The following PTPRN2 variants were observed in gnomAD, a reference collection of about 807,000 sequenced individuals.
The protein encoded by PTPRN2 is receptor-type tyrosine-protein phosphatase N2.
A neutral mutation model predicts 118.8 loss-of-function variants in PTPRN2; 74 were observed. The ratio of observed to expected loss-of-function variants is 0.62; its 90% CI spans 0.52 to 0.76. The LOEUF is 0.76. Among genes scored for constraint, PTPRN2 ranks in the 30% least tolerant of loss-of-function variants. The pLI, the probability that PTPRN2 is intolerant of heterozygous loss-of-function variation, is 0.00. For missense variants in PTPRN2, 1,481 were observed against 1,394.4 expected (o/e 1.06, Z -0.99); for synonymous variants, 641 against 608.0 (o/e 1.05, Z -0.80).
intron 11 of PTPRN2, among the ~76,000 whole-genome samples, chr7:157,936,020 C>T (rs1275629627): frequency 1.3e-5 from 2 of 152,142 alleles, no homozygotes; most frequent in African/African-American, 4.8e-5. Flanking sequence ...GCATCTGTGT[C>T]GCTCCCTCAG....
At chr7:157,836,320 A>C (rs1807929526) in intron 12 of PTPRN2, among the ~76,000 whole-genome samples, 1 of 152,214 alleles carries the variant, frequency 6.6e-6, no homozygotes. Flanking sequence ...GTTCAACTGG[A>C]TAAGAGGAAT....
intron 12 of PTPRN2, among the ~76,000 whole-genome samples, chr7:157,842,180 G>A (rs762206058): frequency 2.6e-5 from 4 of 152,090 alleles, no homozygotes; most frequent in Non-Finnish European, 4.4e-5. Context: ...CCCTTTGTGC[G>A]TGGGGCTGTG....
At chr7:158,294,723 C>T (rs995308904) in intron 3 of PTPRN2, among the ~76,000 whole-genome samples, 6 of 152,190 alleles carry the variant, frequency 3.9e-5, no homozygotes, top group South Asian at 4.1e-4. Flanking sequence ...CCTGGGAGCA[C>T]GGGTCGCCCA....
At chr7:158,446,413 G>T (rs1331996838) in intron 2 of PTPRN2, among the ~76,000 whole-genome samples, 1 of 151,970 alleles carries the variant, frequency 6.6e-6, no homozygotes, top group Non-Finnish European at 1.5e-5. Context: ...GATGGAGTCT[G>T]TCGTGAGAGC....
At chr7:157,781,856 C>T (rs1228856693) in intron 12 of PTPRN2, among the ~76,000 whole-genome samples, 1 of 152,236 alleles carries the variant, frequency 6.6e-6, no homozygotes, top group African/African-American at 2.4e-5. Context: ...GCAAACCACA[C>T]CCCACTGACT....
intron 12 of PTPRN2, among the ~76,000 whole-genome samples, chr7:157,798,690 A>T (rs1234652423): frequency 6.6e-6 from 1 of 152,208 alleles, no homozygotes; most frequent in Non-Finnish European, 1.5e-5. Flanking sequence ...TATAATTAGA[A>T]CTTTATGTTC....
rs752909355 is a variant in PTPRN2 at position 158,316,800 on chromosome 7, C to T, written c.277+19G>A. On this transcript the variant is annotated intron_variant, in intron 3 of 22. Coordinates refer to ENST00000389418, the MANE Select transcript of PTPRN2 (RefSeq NM_002847.5). ...GCTCAGTGCGGCAGCCGCCGAGCCT[C>T]GGCCCACGCCCGCCCTACCTGTGCC... The T allele has an allele frequency of 5.1e-6, 8 of 1,571,526 alleles. No homozygotes were observed. Among genetic ancestry groups the T allele is most frequent in the African/African-American group, 1.4e-5 (1 of 73,840 alleles).
At chr7:158,094,550 G>A (rs774397120) in intron 10 of PTPRN2, among the ~76,000 whole-genome samples, 4 of 151,884 alleles carry the variant, frequency 2.6e-5, no homozygotes, top group South Asian at 2.1e-4. Context: ...CTTGTGATCC[G>A]CCCACCTCGG....
intron 11 of PTPRN2, among the ~76,000 whole-genome samples, chr7:157,985,901 C>T (rs922415020): frequency 1.4e-5 from 2 of 138,364 alleles, no homozygotes; most frequent in Admixed American, 7.2e-5. Context: ...GGTTGAATCT[C>T]GAGAGCAGGG....
At chr7:157,652,602 G>A (rs574914800) in intron 14 of PTPRN2, among the ~76,000 whole-genome samples, 2 of 152,204 alleles carry the variant, frequency 1.3e-5, no homozygotes, top group South Asian at 2.1e-4. Context: ...CCCCTTCCCC[G>A]GGGGTCCCTG....
chr7:158,567,249 A>T (rs1001698677), intron 1 of PTPRN2, among the ~76,000 whole-genome samples: 1 of 152,196 alleles, frequency 6.6e-6, no homozygotes, highest in Admixed American at 6.5e-5. Context: ...CTCACGGGCC[A>T]CCTGCCTGGC....
chr7:157,582,069 C>T (rs995445073), intron 17 of PTPRN2, among the ~76,000 whole-genome samples: 5 of 152,208 alleles, frequency 3.3e-5, no homozygotes, highest in Admixed American at 6.5e-5. Flanking sequence ...TCCAGAACTG[C>T]GAGGGGATGC....
rs557409352 is a variant in PTPRN2 at position 157,581,769 on chromosome 7, A to G, written c.2497-3629T>C. On this transcript the variant is annotated intron_variant, in intron 17 of 22. Transcript: ENST00000389418. ...TTATATTGACGTCCTAATCCCTGGTATCTATGAATGTGGCCTTATTTGGAA... is the reference window on the plus strand; with the variant it reads ...TTATATTGACGTCCTAATCCCTGGTGTCTATGAATGTGGCCTTATTTGGAA... 2.0e-5 allele frequency among the ~76,000 whole-genome samples: 3 copies of G among 152,370 alleles called. No homozygotes were observed. The East Asian group carries it at 5.8e-4, about 29-fold the overall frequency.
At chr7:158,024,745 GAGCT>G (rs1807142724) in intron 11 of PTPRN2, among the ~76,000 whole-genome samples, 3 of 152,256 alleles carry the variant, frequency 2.0e-5, no homozygotes, top group Admixed American at 6.5e-5. Context: ...AGCTTGGCAG[GAGCT>G]GATGAAGGCT....
chr7:158,151,405 CCTCT>C (rs1275245087), intron 6 of PTPRN2, among the ~76,000 whole-genome samples: 5 of 66,232 alleles, frequency 7.5e-5, no homozygotes, highest in South Asian at 4.0e-4. Context: ...TCTATTCCTG[CCTCT>C]CCCTGCCCAC....
intron 2 of PTPRN2, among the ~76,000 whole-genome samples, chr7:158,385,837 G>A (rs749902582): frequency 6.6e-6 from 1 of 151,052 alleles, no homozygotes; most frequent in Non-Finnish European, 1.5e-5. Flanking sequence ...CAGGAAGAGG[G>A]CTCTGCTGTG....
Position 157,912,854 on chromosome 7 carries a change from C to T in PTPRN2, c.1724-14117G>A, listed in dbSNP as rs764248403. ...TCTGTTCCTGGCCCAGGTGTCTCTC[C>T]GTGCACAGATCCATGTGATCTTTCT... On this transcript the variant is annotated intron_variant, in intron 11 of 22. Coordinates refer to ENST00000389418, the MANE Select transcript of PTPRN2 (RefSeq NM_002847.5). 1.1e-3 allele frequency among the ~76,000 whole-genome samples: 175 copies of T among 152,192 alleles called. 4 individuals are homozygous for T. Among genetic ancestry groups the T allele is most frequent in the Middle Eastern group, 3.2e-3 (1 of 316 alleles).
chr7:158,353,966 C>G (rs1350560183), intron 2 of PTPRN2, among the ~76,000 whole-genome samples: 2 of 152,214 alleles, frequency 1.3e-5, no homozygotes, highest in African/African-American at 2.4e-5. Context: ...AAACTCTGCT[C>G]TGCAACTCGG....
intron 18 of PTPRN2, 143 bp downstream of exon 18, chr7:157,577,878 G>A (rs1800139489): frequency 1.7e-6 from 2 of 1,173,190 alleles, no homozygotes; most frequent in Non-Finnish European, 2.3e-6. Context: ...GGGTGGCTCA[G>A]CCTCCATCCC....
Sources: gnomAD v4.1 joint callset for allele counts (sites outside exome capture counted in the v4.1 genomes callset) on GRCh38, gnomAD v4.1.1 for gene constraint, MANE v1.5 for transcripts, NCBI Gene and HGNC (gene_info 2026-07-23, HGNC 2026-07-21) for gene names.